Variants in FMN2 observed in about 807,000 individuals in gnomAD.
FMN2 encodes formin-2.
FMN2 carries 51 observed loss-of-function variants against 142.3 expected under a neutral mutation model. The observed-to-expected ratio is 0.36, with a 90% CI of 0.29 to 0.45. The LOEUF is 0.45. Ranked by LOEUF, FMN2 falls within the 20% of genes least tolerant of loss-of-function variation. The pLI is 1.00. For synonymous variants in FMN2, 882 were observed against 869.8 expected, an observed-to-expected ratio of 1.01 and a Z score of -0.25; for missense variants, 1,936 against 2,122.8, an observed-to-expected ratio of 0.91 and a Z score of 1.73.
chr1:240,269,269 C>CA (rs1255815475), intron 7 of FMN2, among the ~76,000 whole-genome samples: 1 of 151,996 alleles, frequency 6.6e-6, no homozygotes, highest in Non-Finnish European at 1.5e-5. Flanking sequence ...TATAGATGTA[C>CA]AGTTTTAATA....
intron 14 of FMN2, among the ~76,000 whole-genome samples, chr1:240,381,653 CT>C (rs773819126): frequency 1.3e-5 from 2 of 152,190 alleles, no homozygotes; most frequent in Non-Finnish European, 2.9e-5. Flanking sequence ...TGGTCTTGAA[CT>C]CCTGACCTCA....
Position 240,208,684 on chromosome 1 carries a change from G to A in FMN2, c.3872G>A (p.Arg1291Gln), listed in dbSNP as rs751943952. The change falls in exon 5 of 18, where the codon CGA becomes CAA. Residue 1291 changes from arginine (R) to glutamine (Q), a missense_variant. Transcript: ENST00000319653. ...AGGAAGCAGCCCATAGAGCCTTGTC[G>A]ACCAATGAAGCCTCTTTACTGGACC... ...GSRKQPIEPC[R>Q]PMKPLYWTRI... 3.1e-6 allele frequency: 5 copies of A among 1,613,600 alleles called. No individual in the cohort carries two copies. In the African/African-American group the frequency reaches 5.3e-5, roughly 17 times the overall value.
At chr1:240,261,152 T>C (rs1291641094) in intron 7 of FMN2, among the ~76,000 whole-genome samples, 1 of 152,238 alleles carries the variant, frequency 6.6e-6, no homozygotes, top group East Asian at 1.9e-4. Flanking sequence ...TTGGTGACTA[T>C]GGCCTTATAG....
intron 13 of FMN2, among the ~76,000 whole-genome samples, chr1:240,351,871 T>C (rs370517398): frequency 1.3e-5 from 2 of 152,062 alleles, no homozygotes; most frequent in East Asian, 3.9e-4. Context: ...TATGATGTCA[T>C]GGGTGTGTAT....
intron 15 of FMN2, among the ~76,000 whole-genome samples, chr1:240,418,872 C>T (rs532410130): frequency 2.0e-5 from 3 of 152,136 alleles, no homozygotes; most frequent in South Asian, 2.1e-4. Flanking sequence ...TTTGGGAGGC[C>T]GAGGCAGGTG....
intron 2 of FMN2, among the ~76,000 whole-genome samples, chr1:240,160,822 T>TA (rs1487241825): frequency 6.6e-6 from 1 of 152,164 alleles, no homozygotes; most frequent in African/African-American, 2.4e-5. Flanking sequence ...ATGATGTGAT[T>TA]GTATATGTAA....
intron 2 of FMN2, among the ~76,000 whole-genome samples, chr1:240,167,788 G>GA (rs935288319): frequency 2.0e-5 from 3 of 152,100 alleles, no homozygotes; most frequent in African/African-American, 7.2e-5. Flanking sequence ...AGAAAATTTA[G>GA]AAAATAGGCT....
intron 14 of FMN2, among the ~76,000 whole-genome samples, chr1:240,377,531 A>G (rs2103076974): frequency 6.6e-6 from 1 of 152,282 alleles, no homozygotes; most frequent in South Asian, 2.1e-4. Context: ...CTTCTGGAGT[A>G]TCTAGGGGAT....
chr1:240,172,306 A>G (rs946997650), intron 2 of FMN2, among the ~76,000 whole-genome samples: 5 of 152,196 alleles, frequency 3.3e-5, no homozygotes, highest in Non-Finnish European at 5.9e-5. Flanking sequence ...CACAAATGCC[A>G]AGAAAACTCA....
At position 240,314,417 on chromosome 1, in the gene FMN2, C is replaced by A. The variant is rs12563304; in HGVS notation, c.4216-14659C>A. ...CAGAAATGCTAGGTTCAACTACTGA[C>A]CTATTTTAAATCACAGGCCTGTCTT... On this transcript the variant is annotated intron_variant, in intron 8 of 17. Transcript: ENST00000319653. Among the ~76,000 whole-genome samples the A allele has an allele frequency of 2.0e-3, 303 of 152,176 alleles. 7 individuals are homozygous for A. The East Asian group carries it at 0.048, about 24-fold the overall frequency.
intron 1 of FMN2, among the ~76,000 whole-genome samples, chr1:240,105,412 A>G (rs1280131527): frequency 6.6e-6 from 1 of 152,140 alleles, no homozygotes; most frequent in Non-Finnish European, 1.5e-5. Flanking sequence ...CCCGGCCTCC[A>G]TATAAATTTA....
rs149274530 is a variant in FMN2, at chr1:240,440,725, A to G, written c.5060+2515A>G. 4.4e-4 allele frequency among the ~76,000 whole-genome samples: 67 copies of G among 152,284 alleles called. 1 individual carries two copies. Among genetic ancestry groups the G allele is most frequent in the African/African-American group, 1.5e-3 (62 of 41,570 alleles). On this transcript the variant is annotated intron_variant, in intron 16 of 17. Transcript: ENST00000319653. ...CTTTGCCCATTGACTTGCAAAATCTATTACCCTCTTGGCAATTGATAACCA... is the reference window on the plus strand; with the variant it reads ...CTTTGCCCATTGACTTGCAAAATCTGTTACCCTCTTGGCAATTGATAACCA...
intron 16 of FMN2, among the ~76,000 whole-genome samples, chr1:240,449,564 AGAATT>A (rs1160294095): frequency 1.1e-4 from 17 of 152,354 alleles, no homozygotes; most frequent in African/African-American, 4.1e-4. Context: ...AACCGGCTAT[AGAATT>A]ACAGTGTGGT....
At chr1:240,282,919 T>A (rs1035488120) in intron 7 of FMN2, among the ~76,000 whole-genome samples, 6 of 152,194 alleles carry the variant, frequency 3.9e-5, no homozygotes, top group African/African-American at 1.2e-4. Flanking sequence ...AATATACATT[T>A]TGGAAGTTTT....
chr1:240,461,285 G>C (rs965563720), intron 16 of FMN2, among the ~76,000 whole-genome samples: 6 of 152,154 alleles, frequency 3.9e-5, no homozygotes, highest in Non-Finnish European at 7.3e-5. Context: ...TTAAGTGTCA[G>C]TTTCATCATC....
intron 6 of FMN2, among the ~76,000 whole-genome samples, chr1:240,248,373 TA>T (rs1553349576): frequency 6.6e-4 from 9 of 13,696 alleles, no homozygotes; most frequent in African/African-American, 5.0e-3. Flanking sequence ...TTTTATGGAT[TA>T]TATATATATA....
chr1:240,196,565 G>A (rs1487924498), intron 4 of FMN2, among the ~76,000 whole-genome samples: 1 of 152,128 alleles, frequency 6.6e-6, no homozygotes, highest in Non-Finnish European at 1.5e-5. Context: ...AGGCTGGAGT[G>A]CAATGGCATG....
At chr1:240,184,643 C>G (rs193215790) in intron 3 of FMN2, among the ~76,000 whole-genome samples, 13 of 151,160 alleles carry the variant, frequency 8.6e-5, no homozygotes, top group African/African-American at 3.2e-4. Context: ...AAAATAATAA[C>G]CATTCTAGTG....
At chr1:240,143,900 T>C (rs1663307225) in intron 2 of FMN2, 2 of 1,578,492 alleles carry the variant, frequency 1.3e-6, no homozygotes, top group Non-Finnish European at 1.7e-6. Context: ...ATCTTCATGA[T>C]TTGAGCCAGC....
Sources: allele counts gnomAD v4.1 joint callset (sites outside exome capture counted in the v4.1 genomes callset), GRCh38; gene constraint gnomAD v4.1.1; transcripts MANE v1.5; gene names NCBI Gene and HGNC (gene_info 2026-07-23, HGNC 2026-07-21).